The following PLPPR1 variants were observed in gnomAD, a reference collection of about 807,000 sequenced individuals.
PLPPR1 encodes the protein phospholipid phosphatase-related protein type 1.
In PLPPR1, 10 loss-of-function variants were observed where a neutral mutation model predicts 33.1. The observed-to-expected ratio is 0.30, with a 90% CI of 0.19 to 0.51. The LOEUF (loss-of-function observed/expected upper bound fraction) is 0.51, where lower values mean the gene tolerates loss of function less well. Among genes scored for constraint, PLPPR1 ranks in the 20% least tolerant of loss-of-function variants. The pLI is 0.97. For synonymous variants in PLPPR1, 151 were observed against 151.0 expected, an observed-to-expected ratio of 1.00 and a Z score of 0.00; for missense variants, 304 against 408.1, an observed-to-expected ratio of 0.74 and a Z score of 2.20.
At chr9:101,236,688 AATG>A (rs1827307151) in intron 2 of PLPPR1, among the ~76,000 whole-genome samples, 1 of 151,678 alleles carries the variant, frequency 6.6e-6, no homozygotes, top group Non-Finnish European at 1.5e-5. Flanking sequence ...TACAACGTGT[AATG>A]ATCAAATCAG....
chr9:101,214,112 A>C (rs1826739206), intron 2 of PLPPR1, among the ~76,000 whole-genome samples: 1 of 152,236 alleles, frequency 6.6e-6, no homozygotes. Context: ...GATGCTGGTA[A>C]TAAAAAAGGG....
chr9:101,289,175 T>C (rs1378744908), intron 4 of PLPPR1, among the ~76,000 whole-genome samples: 2 of 152,180 alleles, frequency 1.3e-5, no homozygotes, highest in African/African-American at 4.8e-5. Flanking sequence ...AATATTCTAT[T>C]GCTACCCCTT....
chr9:101,175,515 C>A (rs1418251589), intron 1 of PLPPR1, among the ~76,000 whole-genome samples: 1 of 152,054 alleles, frequency 6.6e-6, no homozygotes, highest in African/African-American at 2.4e-5. Context: ...ATTGATCATT[C>A]TTTGGCGCCA....
At chr9:101,166,977 T>C (rs750186421) in intron 1 of PLPPR1, among the ~76,000 whole-genome samples, 2 of 149,802 alleles carry the variant, frequency 1.3e-5, no homozygotes, top group Non-Finnish European at 3.0e-5. Flanking sequence ...ACAGAGCTAA[T>C]TAGTTACCCT....
intron 1 of PLPPR1, among the ~76,000 whole-genome samples, chr9:101,066,043 C>T (rs981286157): frequency 2.6e-5 from 4 of 152,030 alleles, no homozygotes; most frequent in Non-Finnish European, 5.9e-5. Context: ...CAGGATCCCA[C>T]TCAGGATACC....
rs146505270 is a variant in PLPPR1, at chr9:101,151,093, C to G, written c.-45-34357C>G. Among the ~76,000 whole-genome samples the G allele has an allele frequency of 2.7e-3, 417 of 152,148 alleles. 4 individuals carry two copies. Among genetic ancestry groups the G allele is most frequent in the African/African-American group, 9.5e-3 (396 of 41,486 alleles). On this transcript the variant is annotated intron_variant, in intron 1 of 7. Transcript: ENST00000374874. ...GAATAAAATGGAAACACCTTTACAT[C>G]TTTAAGCAAAGGTCCAGATGGCATG...
At chr9:101,205,465 T>C (rs968348572) in intron 2 of PLPPR1, among the ~76,000 whole-genome samples, 2 of 152,282 alleles carry the variant, frequency 1.3e-5, no homozygotes, top group Non-Finnish European at 2.9e-5. Context: ...CATGAATAAG[T>C]AATGCATTGC....
intron 1 of PLPPR1, among the ~76,000 whole-genome samples, chr9:101,112,124 T>C (rs1033553578): frequency 6.6e-6 from 1 of 152,210 alleles, no homozygotes; most frequent in Non-Finnish European, 1.5e-5. Context: ...TTTACAATGT[T>C]ATTTAAACAT....
At chr9:101,044,904 T>G (rs953548361) in intron 1 of PLPPR1, among the ~76,000 whole-genome samples, 7 of 152,230 alleles carry the variant, frequency 4.6e-5, no homozygotes, top group African/African-American at 1.7e-4. Flanking sequence ...TTAGGTGTTA[T>G]GCTTACTATG....
chr9:101,115,211 C>A (rs1451821184), intron 1 of PLPPR1, among the ~76,000 whole-genome samples: 1 of 152,210 alleles, frequency 6.6e-6, no homozygotes, highest in Non-Finnish European at 1.5e-5. Flanking sequence ...TGGAAGATGG[C>A]TTTCTTCTTT....
chr9:101,267,915 T>C (rs1828026121), intron 2 of PLPPR1, among the ~76,000 whole-genome samples: 1 of 152,166 alleles, frequency 6.6e-6, no homozygotes, highest in Admixed American at 6.5e-5. Flanking sequence ...ACAGAGTCTC[T>C]ATGCAGCCAT....
chr9:101,295,470 C>A (rs925128588), intron 4 of PLPPR1, among the ~76,000 whole-genome samples: 28 of 151,988 alleles, frequency 1.8e-4, no homozygotes, highest in African/African-American at 6.5e-4. Context: ...TCATATGGAA[C>A]CAAAAAAGAG....
At chr9:101,264,290 A>G (rs969731701) in intron 2 of PLPPR1, among the ~76,000 whole-genome samples, 1 of 151,990 alleles carries the variant, frequency 6.6e-6, no homozygotes, top group Admixed American at 6.6e-5. Context: ...TCTGCCCAAC[A>G]TTTCCTTTAT....
At position 101,156,568 on chromosome 9, in the gene PLPPR1, A is replaced by G. The variant is rs201303014; in HGVS notation, c.-45-28882A>G. On this transcript the variant is annotated intron_variant, in intron 1 of 7. Coordinates refer to ENST00000374874, the MANE Select transcript of PLPPR1 (RefSeq NM_207299.2). ...CCCTGTCTCCAAAAAAAAAAAAAAAAAAAAAGAAAGAAAGAAAGAAAAAAA... is the reference window on the plus strand; with the variant it reads ...CCCTGTCTCCAAAAAAAAAAAAAAAGAAAAAGAAAGAAAGAAAGAAAAAAA... Among the ~76,000 whole-genome samples, 56 of 108,950 alleles carry G rather than the reference A, an allele frequency of 5.1e-4. 4 individuals are homozygous for G. Among genetic ancestry groups the G allele is most frequent in the East Asian group, 7.0e-4 (3 of 4,302 alleles). The allele number at this position is 108,950 out of a possible 152,430, so 71.5% of individuals were successfully genotyped here.
chr9:101,212,724 T>C (rs72741476), intron 2 of PLPPR1, among the ~76,000 whole-genome samples: 7,645 of 152,258 alleles, frequency 0.05, 261 homozygotes, highest in Non-Finnish European at 0.075. Context: ...ATATAGGAAG[T>C]TGTCTTCTTT....
At chr9:101,302,632 G>A (rs969114409) in intron 4 of PLPPR1, among the ~76,000 whole-genome samples, 2 of 152,158 alleles carry the variant, frequency 1.3e-5, no homozygotes, top group African/African-American at 4.8e-5. Context: ...ATGTGGTTGG[G>A]GAAACAGTGT....
intron 2 of PLPPR1, among the ~76,000 whole-genome samples, chr9:101,246,624 C>G (rs534674791): frequency 2.6e-5 from 4 of 152,088 alleles, no homozygotes; most frequent in African/African-American, 9.6e-5. Context: ...GCCTTAATCA[C>G]AGAATTATAC....
chr9:101,220,753 C>T (rs36094818), intron 2 of PLPPR1, among the ~76,000 whole-genome samples: 9,532 of 152,252 alleles, frequency 0.063, 404 homozygotes, highest in Middle Eastern at 0.13. Flanking sequence ...AAAAATATTT[C>T]ACTGGTTCTC....
chr9:101,055,243 A>G (rs1395637634), intron 1 of PLPPR1, among the ~76,000 whole-genome samples: 1 of 152,244 alleles, frequency 6.6e-6, no homozygotes, highest in Non-Finnish European at 1.5e-5. Flanking sequence ...TAACAGTGAA[A>G]AAGATCTAAA....
Sources: allele counts gnomAD v4.1 joint callset (sites outside exome capture counted in the v4.1 genomes callset), GRCh38; gene constraint gnomAD v4.1.1; transcripts MANE v1.5; gene names NCBI Gene and HGNC (gene_info 2026-07-23, HGNC 2026-07-21).